HARS2: variants seen among roughly 807,000 people sequenced by gnomAD.
HARS2 encodes the protein histidine--tRNA ligase, mitochondrial.
Under a neutral mutation model 62.4 loss-of-function variants are expected in HARS2, and 40 were observed. The ratio of observed to expected loss-of-function variants is 0.64; its 90% CI spans 0.50 to 0.83. HARS2 has a LOEUF of 0.83. Among genes scored for constraint, HARS2 ranks in the 40% least tolerant of loss-of-function variants. The probability of loss-of-function intolerance (pLI) is 0.00; values close to 1 mark genes in which losing one functional copy is unlikely to be tolerated. For synonymous variants in HARS2, 228 were observed against 227.0 expected, an observed-to-expected ratio of 1.00 and a Z score of -0.04; for missense variants, 569 against 626.4, an observed-to-expected ratio of 0.91 and a Z score of 0.98.
chr5:140,694,328 C>T (rs374827942), intron 4 of HARS2, 48 bp downstream of exon 4: 28 of 1,328,256 alleles, frequency 2.1e-5, no homozygotes, highest in African/African-American at 5.8e-5. Context: ...CCAAATCCAG[C>T]GGGCTTTCTC....
chr5:140,698,072 AGAG>A lies in HARS2; in HGVS notation c.1460_1461+1del. On this transcript the variant is annotated inframe_deletion, in exon 12 of 13. Transcript: ENST00000230771. ...TCAAGATCCGTTCAGTGGCCAGCAG[AGAG>A]GAGGTGAGTGGCGGCAGCAGAAATA... The A allele has an allele frequency of 6.2e-7, 1 of 1,614,160 alleles. No homozygotes were observed. Among genetic ancestry groups the A allele is most frequent in the South Asian group, 1.1e-5 (1 of 91,086 alleles).
At chr5:140,696,341 G>T in intron 7 of HARS2, 140 bp downstream of exon 7, 1 of 800,796 alleles carries the variant, frequency 1.2e-6, no homozygotes, top group Non-Finnish European at 2.2e-6. Context: ...TACTCTGAAG[G>T]AAGATCTGAG....
At position 140,696,602 on chromosome 5, in the gene HARS2, G is replaced by A; in HGVS notation, c.814G>A (p.Val272Ile). The A allele has an allele frequency of 6.2e-7, 1 of 1,608,386 alleles. No homozygotes were observed. The highest frequency in any genetic ancestry group is 8.5e-7 in the Non-Finnish European group (1 of 1,174,688). ...PEVADRIGDY[V>I]QCHGGVSLVE... ...GGTGGCTGATCGAATTGGGGACTAT[G>A]TCCAGTGTCATGGTAAGAACCAGGG... The change falls in exon 8 of 13, where the codon GTC becomes ATC. Residue 272 changes from valine to isoleucine, a missense_variant. Val to Ile is a conservative substitution (Grantham distance 29). Coordinates refer to ENST00000230771, the MANE Select transcript of HARS2 (RefSeq NM_012208.4).
rs757863272 is a variant in HARS2 at position 140,697,358 on chromosome 5, C to G, written c.1149C>G (p.Leu383=). The G allele has an allele frequency of 1.2e-6, 2 of 1,614,016 alleles. No homozygotes were observed. The highest frequency in any genetic ancestry group is 2.2e-5 in the South Asian group (2 of 91,064). The change falls in exon 10 of 13, where the codon CTC becomes CTG. Residue 383 remains leucine (L), a synonymous_variant. Transcript: ENST00000230771. ...PKGHKVPCVG[L]SIGVERIFYI... ...GCCACAAGGTGCCATGTGTGGGACT[C>G]AGCATTGGGGTTGAGCGAATCTTCT...
chr5:140,697,131 A>G, intron 9 of HARS2, 33 bp from the exon 10 acceptor site: 1 of 1,614,162 alleles, frequency 6.2e-7, no homozygotes, highest in Non-Finnish European at 8.5e-7. Flanking sequence ...TCCCGAGTCT[A>G]GTTTGGGACT....
Position 140,697,933 on chromosome 5 carries a change from C to T in HARS2, c.1316C>T (p.Ala439Val). ...TTACTCTGTCTTGATCCTTTTCAGG[C>T]AGAGATGCTATACAAGAACAACCCC... The part of the protein sequence containing the change: ...IAELWDSGIK[A>V]EMLYKNNPKL... The change falls in exon 12 of 13, where the codon GCA becomes GTA. Residue 439 changes from alanine (A) to valine (V), a missense_variant and splice_region_variant. Coordinates refer to ENST00000230771, the MANE Select transcript of HARS2 (RefSeq NM_012208.4). The T allele has an allele frequency of 6.2e-7, 1 of 1,613,504 alleles. No individual in the cohort carries two copies. The highest frequency in any genetic ancestry group is 8.5e-7 in the Non-Finnish European group (1 of 1,179,448).
chr5:140,694,023 A>G lies in HARS2; in HGVS notation c.272A>G (p.Lys91Arg), dbSNP rs1487003278. Residue 91 changes from lysine (K) to arginine (R), a missense_variant, in exon 3 of 13, where the codon AAG (lysine) becomes AGG (arginine). Transcript: ENST00000230771. ...AGCTGCTTTAAACGTCATGGAGCAAAGGGGATGGACACCCCAGCATTTGAG... is the reference window on the plus strand; with the variant it reads ...AGCTGCTTTAAACGTCATGGAGCAAGGGGGATGGACACCCCAGCATTTGAG... Reference protein sequence around the residue: ...VISCFKRHGAKGMDTPAFELK... With the variant: ...VISCFKRHGARGMDTPAFELK... 9.3e-6 allele frequency: 15 copies of G among 1,614,200 alleles called. No individual in the cohort carries two copies. The highest frequency in any genetic ancestry group is 1.3e-5 in the Non-Finnish European group (15 of 1,180,006).
chr5:140,695,744 G>C lies in HARS2; in HGVS notation c.532G>C (p.Asp178His). The change falls in exon 6 of 13, where the codon GAC becomes CAC. Residue 178 changes from aspartate to histidine, a missense_variant. Coordinates refer to ENST00000230771, the MANE Select transcript of HARS2 (RefSeq NM_012208.4). Reference protein sequence around the residue: ...RYREFCQCDFDIAGQFDPMIP... With the variant: ...RYREFCQCDFHIAGQFDPMIP... The stretch of plus-strand genomic sequence containing the variant: ...ATCTTTTTCTTTGCTGTAGGATTTT[G>C]ACATTGCTGGTCAGTTTGACCCTAT... The C allele has an allele frequency of 6.2e-7, 1 of 1,613,892 alleles. No individual in the cohort carries two copies. The highest frequency in any genetic ancestry group is 8.5e-7 in the Non-Finnish European group (1 of 1,179,786).
Position 140,695,775 on chromosome 5 carries a change from C to G in HARS2, c.563C>G (p.Pro188Arg). Residue 188 changes from proline (P) to arginine (R), a missense_variant, in exon 6 of 13, where the codon CCC (proline) becomes CGC (arginine). Coordinates refer to ENST00000230771, the MANE Select transcript of HARS2 (RefSeq NM_012208.4). The stretch of plus-strand genomic sequence containing the variant: ...GCTGGTCAGTTTGACCCTATGATCC[C>G]CGATGCAGAGTGTTTGAAGATCATG... ...DIAGQFDPMI[P>R]DAECLKIMCE... is the part of the protein sequence containing the mutation. 6.2e-7 allele frequency: 1 copy of G among 1,614,006 alleles called. No individual in the cohort carries two copies. Among genetic ancestry groups the G allele is most frequent in the Non-Finnish European group, 8.5e-7 (1 of 1,179,922 alleles).
At chr5:140,692,557 C>T (rs1056985012) in intron 1 of HARS2, among the ~76,000 whole-genome samples, 3 of 152,112 alleles carry the variant, frequency 2.0e-5, no homozygotes, top group Non-Finnish European at 4.4e-5. Context: ...TTACAGTTTT[C>T]CTCTCTCTAA....
chr5:140,696,009 C>T lies in HARS2; in HGVS notation c.634-94C>T. 2 of 1,045,828 alleles carry T rather than the reference C, an allele frequency of 1.9e-6. 1 individual carries two copies. The highest frequency in any genetic ancestry group is 2.5e-5 in the South Asian group (2 of 79,656). 64.8% of individuals were successfully genotyped at this position (1,045,828 alleles called of 1,614,324 possible). A position where few individuals can be genotyped will look rare whatever the true frequency, so the allele number is the denominator to read the frequency against. On this transcript the variant is annotated intron_variant, in intron 6 of 12. Coordinates refer to ENST00000230771, the MANE Select transcript of HARS2 (RefSeq NM_012208.4). Reference sequence around the variant, plus strand: ...TGTCTGTACTCTTCCTGTGAAATTTCCATCCTTTTTGTGTGTCAGGAAAGT... The same window carrying T: ...TGTCTGTACTCTTCCTGTGAAATTTTCATCCTTTTTGTGTGTCAGGAAAGT...
chr5:140,696,828 CTTTTTT>C (rs373912206), intron 8 of HARS2, 109 bp from the exon 9 acceptor site: 11 of 656,532 alleles, frequency 1.7e-5, no homozygotes, highest in Non-Finnish European at 2.2e-5. Flanking sequence ...AGACTGGGAT[CTTTTTT>C]TTTTTTTTTT....
rs1361109693 is a variant in HARS2, at chr5:140,696,961, A to G, written c.845A>G (p.Glu282Gly). 7 of 1,613,466 alleles carry G rather than the reference A, an allele frequency of 4.3e-6. No homozygotes were observed. The highest frequency in any genetic ancestry group is 5.9e-6 in the Non-Finnish European group (7 of 1,179,926). The change falls in exon 9 of 13, where the codon GAG becomes GGG. Residue 282 changes from glutamate (E) to glycine (G), a missense_variant. Transcript: ENST00000230771. Reference sequence around the variant, plus strand: ...TCTCCAGGTGGGGTATCCCTAGTAGAGCAAATGTTTCAGGATCCCAGACTA... The same window carrying G: ...TCTCCAGGTGGGGTATCCCTAGTAGGGCAAATGTTTCAGGATCCCAGACTA... The part of the protein sequence containing the change: ...VQCHGGVSLV[E>G]QMFQDPRLSQ...
rs1293955628 is a variant in HARS2 at position 140,698,678 on chromosome 5, C to T, written c.*126C>T. On this transcript the variant is annotated 3_prime_UTR_variant, in exon 13 of 13. Coordinates refer to ENST00000230771, the MANE Select transcript of HARS2 (RefSeq NM_012208.4). ...AAGGGTGACAAGTACCTTCTGCCTC[C>T]TCCATTCTTCCTGGGTGCAGAACTG... The T allele has an allele frequency of 1.2e-6, 1 of 823,582 alleles. No homozygotes were observed. The highest frequency in any genetic ancestry group is 2.4e-5 in the East Asian group (1 of 41,164). 51.0% of individuals were successfully genotyped at this position (823,582 alleles called of 1,614,324 possible). A position where few individuals can be genotyped will look rare whatever the true frequency, so the allele number is the denominator to read the frequency against.
Position 140,695,812 on chromosome 5 carries a change from A to G in HARS2, c.600A>G (p.Leu200=), listed in dbSNP as rs554352296. The change falls in exon 6 of 13, where the codon CTA becomes CTG. Residue 200 remains leucine, a synonymous_variant. Coordinates refer to ENST00000230771, the MANE Select transcript of HARS2 (RefSeq NM_012208.4). ...GTTTGAAGATCATGTGTGAAATCCT[A>G]AGTGGATTGCAGTTGGGAGACTTTC... ...AECLKIMCEI[L]SGLQLGDFLI... The G allele has an allele frequency of 3.1e-6, 5 of 1,613,100 alleles. No individual in the cohort carries two copies. The highest frequency in any genetic ancestry group is 2.2e-5 in the East Asian group (1 of 44,874).
Position 140,698,675 on chromosome 5 carries a change from C to T in HARS2, c.*123C>T. ...AGGAAGGGTGACAAGTACCTTCTGC[C>T]TCCTCCATTCTTCCTGGGTGCAGAA... is the stretch of plus-strand genomic sequence containing the variant. On this transcript the variant is annotated 3_prime_UTR_variant, in exon 13 of 13. Coordinates refer to ENST00000230771, the MANE Select transcript of HARS2 (RefSeq NM_012208.4). 1.2e-6 allele frequency: 1 copy of T among 826,526 alleles called. No individual in the cohort carries two copies. The highest frequency in any genetic ancestry group is 1.3e-5 in the South Asian group (1 of 74,982). The allele number at this position is 826,526 out of a possible 1,614,324, so 51.2% of individuals were successfully genotyped here.
At position 140,691,748 on chromosome 5, in the gene HARS2, C is replaced by G; in HGVS notation, c.100C>G (p.Gln34Glu). The G allele has an allele frequency of 6.5e-7, 1 of 1,549,034 alleles. No homozygotes were observed. The highest frequency in any genetic ancestry group is 8.7e-7 in the Non-Finnish European group (1 of 1,144,738). Residue 34 changes from glutamine (Q) to glutamate (E), a missense_variant, in exon 1 of 13, where the codon CAA becomes GAA. By Grantham distance (29) the Gln-to-Glu change is conservative. Coordinates refer to ENST00000230771, the MANE Select transcript of HARS2 (RefSeq NM_012208.4). ...TTCGTGCACCGGGGCGGTCCGTTGC[C>G]AAAGCCAGGTGAGCGAGACAGAATT... is the stretch of plus-strand genomic sequence containing the variant. The part of the protein sequence containing the change: ...CASCTGAVRC[Q>E]SQVAEAVLTS...
Position 140,697,278 on chromosome 5 carries a change from A to G in HARS2, c.1069A>G (p.Ser357Gly). The G allele has an allele frequency of 6.2e-7, 1 of 1,614,150 alleles. No homozygotes were observed. Among genetic ancestry groups the G allele is most frequent in the Non-Finnish European group, 8.5e-7 (1 of 1,180,016 alleles). Residue 357 changes from serine to glycine, a missense_variant, in exon 10 of 13, where the codon AGT (serine) becomes GGT (glycine). Transcript: ENST00000230771. ...TGGGGAGGAGCCCCTGAATGTGGGCAGTGTGGCTGCTGGTGGGCGCTATGA... is the reference window on the plus strand; with the variant it reads ...TGGGGAGGAGCCCCTGAATGTGGGCGGTGTGGCTGCTGGTGGGCGCTATGA... ...QAGEEPLNVGSVAAGGRYDGL... is the reference protein window; with the variant it reads ...QAGEEPLNVGGVAAGGRYDGL...
chr5:140,698,569 A>G lies in HARS2; in HGVS notation c.*17A>G. The G allele has an allele frequency of 6.3e-7, 1 of 1,597,432 alleles. No individual in the cohort carries two copies. The highest frequency in any genetic ancestry group is 8.6e-7 in the Non-Finnish European group (1 of 1,164,772). On this transcript the variant is annotated 3_prime_UTR_variant, in exon 13 of 13. Coordinates refer to ENST00000230771, the MANE Select transcript of HARS2 (RefSeq NM_012208.4). ...GAGTCTTGATCCTTGCCTGATTCCC[A>G]TCTGCTGCTCTTTGTAGAAAAGGTT...
Sources: allele counts gnomAD v4.1 joint callset (sites outside exome capture counted in the v4.1 genomes callset), GRCh38; gene constraint gnomAD v4.1.1; transcripts MANE v1.5; gene names NCBI Gene and HGNC (gene_info 2026-07-23, HGNC 2026-07-21).